Variants in ADAMTSL1 observed in about 807,000 individuals in gnomAD.
The protein encoded by ADAMTSL1 is ADAMTS-like protein 1.
A neutral mutation model predicts 201.8 loss-of-function variants in ADAMTSL1; 126 were observed. The ratio of observed to expected loss-of-function variants is 0.62; its 90% confidence interval spans 0.54 to 0.72. ADAMTSL1 has a LOEUF of 0.72. Among genes scored for constraint, ADAMTSL1 ranks in the 30% least tolerant of loss-of-function variants. ADAMTSL1 has a pLI of 0.00. For missense variants in ADAMTSL1, 2,679 were observed against 2,277.8 expected (o/e 1.18, Z -3.59); for synonymous variants, 1,121 against 903.4 (o/e 1.24, Z -4.32).
chr9:18,348,499 T>C (rs1301622078), intron 2 of ADAMTSL1, among the ~76,000 whole-genome samples: 1 of 152,226 alleles, frequency 6.6e-6, no homozygotes, highest in African/African-American at 2.4e-5. Context: ...AGTGAGCAAA[T>C]GAATACGAAG....
At chr9:18,459,640 C>T (rs762044554) in intron 2 of ADAMTSL1, among the ~76,000 whole-genome samples, 7 of 152,068 alleles carry the variant, frequency 4.6e-5, no homozygotes, top group Non-Finnish European at 7.3e-5. Flanking sequence ...TAATCAGACC[C>T]TTTGGGAAAG....
At chr9:18,071,341 G>C (rs1207562146) in intron 1 of ADAMTSL1, among the ~76,000 whole-genome samples, 1 of 152,220 alleles carries the variant, frequency 6.6e-6, no homozygotes, top group East Asian at 1.9e-4. Flanking sequence ...CCAAAAATAA[G>C]TGTGTGTGTC....
chr9:18,739,010 C>G (rs1049586367), intron 15 of ADAMTSL1, among the ~76,000 whole-genome samples: 2 of 152,242 alleles, frequency 1.3e-5, no homozygotes, highest in East Asian at 1.9e-4. Context: ...GGGTCAAATC[C>G]TAGATCTCTT....
chr9:18,443,309 T>C (rs1254660531), intron 2 of ADAMTSL1, among the ~76,000 whole-genome samples: 1 of 152,234 alleles, frequency 6.6e-6, no homozygotes, highest in Non-Finnish European at 1.5e-5. Flanking sequence ...AAGTCACTGA[T>C]GAGCTGACAA....
chr9:18,513,224 C>G (rs1234332884), intron 2 of ADAMTSL1, among the ~76,000 whole-genome samples: 1 of 152,124 alleles, frequency 6.6e-6, no homozygotes, highest in Non-Finnish European at 1.5e-5. Context: ...GTTAACTACA[C>G]CAGCAGTGCT....
At chr9:18,277,727 T>C (rs1832639396) in intron 2 of ADAMTSL1, among the ~76,000 whole-genome samples, 1 of 152,200 alleles carries the variant, frequency 6.6e-6, no homozygotes, top group South Asian at 2.1e-4. Flanking sequence ...GTCCTTTCAG[T>C]CATCCTATGT....
At position 17,966,431 on chromosome 9, in the gene ADAMTSL1, C is replaced by T. The variant is rs111558155; in HGVS notation, c.87+59509C>T. On this transcript the variant is annotated intron_variant, in intron 1 of 29. Coordinates refer to the ADAMTSL1 transcript ENST00000680146. ...AGGACTTTGCTACGCACTCAGAAGC[C>T]TCTTCATGTGCCGCATTCCGATCAC... Among the ~76,000 whole-genome samples the T allele has an allele frequency of 4.1e-3, 631 of 152,270 alleles. 6 individuals are homozygous for T. Among genetic ancestry groups the T allele is most frequent in the African/African-American group, 0.014 (582 of 41,564 alleles).
chr9:18,638,220 A>C (rs990233107), intron 6 of ADAMTSL1, among the ~76,000 whole-genome samples: 1 of 152,054 alleles, frequency 6.6e-6, no homozygotes, highest in Non-Finnish European at 1.5e-5. Flanking sequence ...CCACTTGTTG[A>C]TATTCTTTGC....
intron 2 of ADAMTSL1, among the ~76,000 whole-genome samples, chr9:18,510,988 G>C (rs1378150695): frequency 6.6e-6 from 1 of 152,080 alleles, no homozygotes; most frequent in Non-Finnish European, 1.5e-5. Context: ...TCTTCAGCCA[G>C]CTAATTTAGC....
intron 2 of ADAMTSL1, among the ~76,000 whole-genome samples, chr9:18,405,641 A>C (rs1428384990): frequency 6.6e-6 from 1 of 152,120 alleles, no homozygotes; most frequent in Non-Finnish European, 1.5e-5. Context: ...GAATGAAAAA[A>C]AAAAAAAAAG....
intron 19 of ADAMTSL1, 117 bp from the exon 20 acceptor site, chr9:18,795,280 G>T: frequency 7.4e-7 from 1 of 1,358,062 alleles, no homozygotes; most frequent in Non-Finnish European, 1.0e-6. Flanking sequence ...GTTTGTCTCT[G>T]TTGTTAAAAC....
chr9:18,815,734 A>T (rs896185040), intron 20 of ADAMTSL1, among the ~76,000 whole-genome samples: 2 of 148,886 alleles, frequency 1.3e-5, no homozygotes, highest in Non-Finnish European at 3.0e-5. Flanking sequence ...AAAAAAAAAA[A>T]AGAGAAAAAA....
intron 1 of ADAMTSL1, among the ~76,000 whole-genome samples, chr9:17,978,530 G>C (rs1435166139): frequency 6.6e-6 from 1 of 151,836 alleles, no homozygotes; most frequent in African/African-American, 2.4e-5. Flanking sequence ...CTTATTTTAT[G>C]CTAATAACTT....
At chr9:18,266,069 A>C (rs1194420574) in intron 2 of ADAMTSL1, among the ~76,000 whole-genome samples, 1 of 152,226 alleles carries the variant, frequency 6.6e-6, no homozygotes, top group Non-Finnish European at 1.5e-5. Context: ...AAATTTATAA[A>C]GACCACTCTG....
At chr9:18,675,550 T>A (rs907711857) in intron 9 of ADAMTSL1, among the ~76,000 whole-genome samples, 1 of 152,136 alleles carries the variant, frequency 6.6e-6, no homozygotes, top group Non-Finnish European at 1.5e-5. Context: ...TTAAAGAACA[T>A]TTACAATCTT....
Position 18,531,371 on chromosome 9 carries a change from C to T in ADAMTSL1, c.192-1876C>T, listed in dbSNP as rs149009154. On this transcript the variant is annotated intron_variant, in intron 2 of 28. Coordinates refer to ENST00000380548, the MANE Select transcript of ADAMTSL1 (RefSeq NM_001040272.6). ...GCATGAGTCATCTATGTGGAGATTG[C>T]AGCAGTCTTGTCAATGGGACATGCA... Among the ~76,000 whole-genome samples, 66 of 152,318 alleles carry T rather than the reference C, an allele frequency of 4.3e-4. 1 individual carries two copies. The highest frequency in any genetic ancestry group is 1.6e-3 in the African/African-American group (65 of 41,576).
rs77902624 is a variant in ADAMTSL1, at chr9:18,275,642, A to G, written c.207+111661A>G. Among the ~76,000 whole-genome samples the G allele has an allele frequency of 2.6e-5, 4 of 152,280 alleles. No homozygotes were observed. In the East Asian group the frequency reaches 7.7e-4, roughly 29 times the overall value. Reference sequence around the variant, plus strand: ...TAATGTATTACGTCTAAATTGTTTCACATAGCATGTTTTTGAGGGCCATCT... The same window carrying G: ...TAATGTATTACGTCTAAATTGTTTCGCATAGCATGTTTTTGAGGGCCATCT... On this transcript the variant is annotated intron_variant, in intron 2 of 29. Coordinates refer to the ADAMTSL1 transcript ENST00000680146.
At chr9:18,369,110 G>GA (rs574288479) in intron 2 of ADAMTSL1, among the ~76,000 whole-genome samples, 9 of 152,202 alleles carry the variant, frequency 5.9e-5, no homozygotes, top group Non-Finnish European at 1.0e-4. Flanking sequence ...AGTTTATATA[G>GA]AAAAAAAGTT....
chr9:18,105,141 A>G (rs1824700347), intron 1 of ADAMTSL1, among the ~76,000 whole-genome samples: 1 of 152,168 alleles, frequency 6.6e-6, no homozygotes, highest in South Asian at 2.1e-4. Flanking sequence ...GTAAATTCGT[A>G]CAGGACACCG....
Sources: allele counts gnomAD v4.1 joint callset (sites outside exome capture counted in the v4.1 genomes callset), GRCh38; gene constraint gnomAD v4.1.1; transcripts MANE v1.5; gene names NCBI Gene and HGNC (gene_info 2026-07-23, HGNC 2026-07-21).